Variants in FBLN2 observed in about 807,000 individuals in gnomAD.
The protein encoded by FBLN2 is fibulin-2.
In FBLN2, 81 loss-of-function variants were observed where a neutral mutation model predicts 123.7. That is an observed-to-expected ratio of 0.65 (90% CI 0.55 to 0.79). The LOEUF is 0.79. FBLN2 is among the 30% of genes least tolerant of loss of function. The pLI is 0.00. For missense variants in FBLN2, 1,603 were observed against 1,681.3 expected, an observed-to-expected ratio of 0.95 and a Z score of 0.81; for synonymous variants, 699 against 701.4, an observed-to-expected ratio of 1.00 and a Z score of 0.05.
chr3:13,615,801 C>A (rs1312605491), intron 5 of FBLN2, among the ~76,000 whole-genome samples: 1 of 152,222 alleles, frequency 6.6e-6, no homozygotes, highest in African/African-American at 2.4e-5. Flanking sequence ...GGACTGGACA[C>A]CTTGGCTCTA....
intron 1 of FBLN2, chr3:13,569,167 A>T: frequency 1.8e-6 from 1 of 551,266 alleles, no homozygotes; most frequent in Non-Finnish European, 2.3e-6. Context: ...GACTGGTGAG[A>T]AGGTGGCATT....
rs1171067395 is a variant in FBLN2, at chr3:13,549,169, G to T, written c.-81G>T. On this transcript the variant is annotated 5_prime_UTR_variant, in exon 1 of 18. Transcript: ENST00000404922. ...CCGGGCTCTCGACGCGCCGACGGCC[G>T]GGCGGACGGACGGACGGACGCCGAG... 1.0e-6 allele frequency: 1 copy of T among 982,752 alleles called. No homozygotes were observed. Among genetic ancestry groups the T allele is most frequent in the Non-Finnish European group, 1.2e-6 (1 of 829,000 alleles). The allele number at this position is 982,752 out of a possible 1,614,324, so 60.9% of individuals were successfully genotyped here. A position where few individuals can be genotyped will look rare whatever the true frequency, so the allele number is the denominator to read the frequency against.
chr3:13,579,316 A>G (rs1704247140), intron 2 of FBLN2, among the ~76,000 whole-genome samples: 1 of 152,264 alleles, frequency 6.6e-6, no homozygotes. Context: ...TGATGACATC[A>G]TCACACTGTC....
intron 14 of FBLN2, 115 bp from the exon 15 acceptor site, chr3:13,630,584 G>A: frequency 1.2e-6 from 1 of 831,014 alleles, no homozygotes; most frequent in South Asian, 1.7e-5. Flanking sequence ...CCTCGCATAG[G>A]TCAACCCCAG....
intron 4 of FBLN2, 46 bp downstream of exon 4, chr3:13,609,688 G>GGGGGGGGCCC: frequency 5.9e-6 from 3 of 512,594 alleles, no homozygotes; most frequent in East Asian, 6.7e-5. Context: ...GTGGGGCGGG[G>GGGGGGGGCCC]CGGGAGGCTG....
chr3:13,609,688 G>GGGGGGGGGGGC, intron 4 of FBLN2, 46 bp downstream of exon 4: 14 of 512,586 alleles, frequency 2.7e-5, no homozygotes, highest in Non-Finnish European at 4.0e-5. Context: ...GTGGGGCGGG[G>GGGGGGGGGGGC]CGGGAGGCTG....
chr3:13,552,646 C>A (rs1703355811), intron 1 of FBLN2, among the ~76,000 whole-genome samples: 1 of 152,110 alleles, frequency 6.6e-6, no homozygotes, highest in South Asian at 2.1e-4. Context: ...GTACCTCCAG[C>A]CAGGCATTAT....
At chr3:13,567,380 C>T (rs577434205) in intron 1 of FBLN2, among the ~76,000 whole-genome samples, 11 of 152,246 alleles carry the variant, frequency 7.2e-5, no homozygotes, top group South Asian at 2.1e-4. Flanking sequence ...TGTTTTGAGA[C>T]GGGGTCTCCC....
intron 1 of FBLN2, among the ~76,000 whole-genome samples, chr3:13,567,378 G>C (rs1022424075): frequency 6.6e-6 from 1 of 152,194 alleles, no homozygotes; most frequent in Non-Finnish European, 1.5e-5. Flanking sequence ...TTTGTTTTGA[G>C]ACGGGGTCTC....
chr3:13,603,721 G>A (rs1473031175), intron 2 of FBLN2, among the ~76,000 whole-genome samples: 1 of 152,156 alleles, frequency 6.6e-6, no homozygotes, highest in Non-Finnish European at 1.5e-5. Flanking sequence ...CTTTATAGCA[G>A]CATGATTTAT....
At chr3:13,609,384 C>A in intron 3 of FBLN2, 129 bp from the exon 4 acceptor site, 1 of 1,068,002 alleles carries the variant, frequency 9.4e-7, no homozygotes, top group Non-Finnish European at 1.3e-6. Flanking sequence ...GTTGTGCCGG[C>A]TCTGCCACCT....
chr3:13,626,392 C>T, intron 9 of FBLN2, 53 bp from the exon 10 acceptor site: 1 of 1,468,612 alleles, frequency 6.8e-7, no homozygotes, highest in Non-Finnish European at 9.2e-7. Flanking sequence ...TGGCTGCACT[C>T]AGCCACTGTC....
chr3:13,627,308 C>T (rs79340008), intron 10 of FBLN2, among the ~76,000 whole-genome samples: 6,324 of 152,186 alleles, frequency 0.042, 184 homozygotes, highest in African/African-American at 0.081. Context: ...AGACAGTCTC[C>T]GGGGTTGGAG....
chr3:13,602,997 G>A (rs1574974716), intron 2 of FBLN2, among the ~76,000 whole-genome samples: 2 of 149,882 alleles, frequency 1.3e-5, no homozygotes, highest in South Asian at 2.1e-4. Context: ...TGCAACCTCC[G>A]CCTCCTGGGT....
chr3:13,555,810 C>T (rs898458300), intron 1 of FBLN2, among the ~76,000 whole-genome samples: 7 of 152,222 alleles, frequency 4.6e-5, no homozygotes, highest in South Asian at 2.1e-4. Flanking sequence ...GAGGCACACC[C>T]GTGCTGTCTA....
intron 11 of FBLN2, 87 bp downstream of exon 11, chr3:13,628,056 G>C: frequency 6.7e-7 from 1 of 1,495,296 alleles, no homozygotes; most frequent in Non-Finnish European, 9.0e-7. Context: ...AGAGACCAGG[G>C]AGGCCTGGCT....
chr3:13,570,590 G>A lies in FBLN2; in HGVS notation c.235G>A (p.Val79Met), dbSNP rs376389609. 4.8e-5 allele frequency: 76 copies of A among 1,579,484 alleles called. No individual in the cohort carries two copies. Among genetic ancestry groups the A allele is most frequent in the South Asian group, 1.6e-4 (14 of 86,500 alleles). Residue 79 changes from valine to methionine, a missense_variant, in exon 2 of 18, where the codon GTG becomes ATG. Physicochemically the swap from Val to Met is conservative, Grantham distance 21 (BLOSUM62 1). Coordinates refer to ENST00000404922, the MANE Select transcript of FBLN2 (RefSeq NM_001004019.2). ...CTATGACTGCCTACAGGGTGGCTTC[G>A]TGCGCGGCCGCGTGCCCGCCGGTCA... ...QYYDCLQGGFVRGRVPAGQSY... is the reference protein window; with the variant it reads ...QYYDCLQGGFMRGRVPAGQSY...
chr3:13,562,948 G>A (rs1703652484), intron 1 of FBLN2, among the ~76,000 whole-genome samples: 1 of 152,176 alleles, frequency 6.6e-6, no homozygotes, highest in East Asian at 1.9e-4. Context: ...CTGTGTTGCA[G>A]CACGGGTCAG....
chr3:13,630,064 C>T (rs1347765302), intron 14 of FBLN2, 119 bp downstream of exon 14: 4 of 1,406,716 alleles, frequency 2.8e-6, no homozygotes, highest in Middle Eastern at 1.9e-4. Context: ...CTCACACCTT[C>T]ACCCATGCTG....
Sources: allele counts gnomAD v4.1 joint callset (sites outside exome capture counted in the v4.1 genomes callset), GRCh38; gene constraint gnomAD v4.1.1; transcripts MANE v1.5; gene names NCBI Gene and HGNC (gene_info 2026-07-23, HGNC 2026-07-21).